Variants in CAMK4 observed in about 807,000 individuals in gnomAD.
CAMK4 encodes calcium/calmodulin dependent protein kinase IV.
CAMK4 carries 22 observed loss-of-function variants against 44.9 expected under a neutral mutation model. The ratio of observed to expected loss-of-function variants is 0.49; its 90% confidence interval spans 0.35 to 0.70. CAMK4 has a LOEUF of 0.70. Ranked by LOEUF, CAMK4 falls within the 30% of genes least tolerant of loss-of-function variation. The pLI, the probability that CAMK4 is intolerant of heterozygous loss-of-function variation, is 0.01. For synonymous variants in CAMK4, 218 were observed against 215.4 expected (o/e 1.01, Z -0.11); for missense variants, 498 against 586.8 (o/e 0.85, Z 1.56).
intron 1 of CAMK4, among the ~76,000 whole-genome samples, chr5:111,249,664 A>ATG (rs1417086749): frequency 6.6e-5 from 8 of 121,686 alleles, no homozygotes; most frequent in South Asian, 2.4e-4. Context: ...GTGTGTATAT[A>ATG]TATGTGTGTG....
At chr5:111,436,246 A>G (rs1561487163) in intron 5 of CAMK4, among the ~76,000 whole-genome samples, 3 of 152,234 alleles carry the variant, frequency 2.0e-5, no homozygotes, top group African/African-American at 7.2e-5. Context: ...TACGTACTTA[A>G]TATAGTTCTA....
At chr5:111,248,853 G>A (rs917999541) in intron 1 of CAMK4, among the ~76,000 whole-genome samples, 1 of 152,070 alleles carries the variant, frequency 6.6e-6, no homozygotes, top group Non-Finnish European at 1.5e-5. Flanking sequence ...AGATCCATTA[G>A]CCAGGAAAGG....
intron 1 of CAMK4, among the ~76,000 whole-genome samples, chr5:111,251,157 A>G (rs971591042): frequency 1.3e-5 from 2 of 152,138 alleles, no homozygotes; most frequent in African/African-American, 4.8e-5. Flanking sequence ...AAGGTATTGC[A>G]CTTTCATGAA....
At chr5:111,236,176 C>T (rs748355680) in intron 1 of CAMK4, among the ~76,000 whole-genome samples, 1 of 152,202 alleles carries the variant, frequency 6.6e-6, no homozygotes, top group East Asian at 1.9e-4. Context: ...TTATTCCCCA[C>T]ACAGGCCACA....
At chr5:111,311,654 T>C (rs1439086973) in intron 1 of CAMK4, among the ~76,000 whole-genome samples, 2 of 152,194 alleles carry the variant, frequency 1.3e-5, no homozygotes, top group South Asian at 2.1e-4. Flanking sequence ...GTTGAAGGAT[T>C]CTTTGCTCTT....
intron 4 of CAMK4, among the ~76,000 whole-genome samples, chr5:111,389,003 A>T (rs1351675452): frequency 6.6e-6 from 1 of 152,210 alleles, no homozygotes; most frequent in East Asian, 1.9e-4. Context: ...AAACACAGGC[A>T]CTATCTTAGA....
intron 5 of CAMK4, among the ~76,000 whole-genome samples, chr5:111,406,136 A>C (rs545824193): frequency 6.7e-6 from 1 of 148,930 alleles, no homozygotes; most frequent in South Asian, 2.1e-4. Context: ...TATCTGGTCT[A>C]GTAGTTCCTC....
At chr5:111,448,116 T>C (rs1754091858) in intron 6 of CAMK4, among the ~76,000 whole-genome samples, 1 of 152,198 alleles carries the variant, frequency 6.6e-6, no homozygotes, top group Admixed American at 6.5e-5. Flanking sequence ...AGAATGCCCT[T>C]GAATGGTTTC....
chr5:111,356,418 A>G (rs1227033101), intron 2 of CAMK4, among the ~76,000 whole-genome samples: 214 of 152,282 alleles, frequency 1.4e-3, no homozygotes, highest in African/African-American at 5.0e-3. Context: ...TTGTCAGATG[A>G]GTAGGTTGCG....
At chr5:111,422,341 A>C (rs995216062) in intron 5 of CAMK4, among the ~76,000 whole-genome samples, 4 of 152,230 alleles carry the variant, frequency 2.6e-5, no homozygotes, top group African/African-American at 9.6e-5. Flanking sequence ...TCCTATGAGG[A>C]AAGTAGAAAT....
chr5:111,364,473 T>C (rs1212785327), intron 2 of CAMK4, among the ~76,000 whole-genome samples: 1 of 152,146 alleles, frequency 6.6e-6, no homozygotes, highest in Non-Finnish European at 1.5e-5. Flanking sequence ...AAAAAGACTG[T>C]TTCCTGTGAA....
At chr5:111,341,480 C>T (rs1467136358) in intron 1 of CAMK4, among the ~76,000 whole-genome samples, 1 of 150,646 alleles carries the variant, frequency 6.6e-6, no homozygotes, top group Non-Finnish European at 1.5e-5. Context: ...CACCGAATTG[C>T]CTTTTTACCA....
At chr5:111,475,547 C>A (rs1755206475) in intron 8 of CAMK4, among the ~76,000 whole-genome samples, 1 of 152,142 alleles carries the variant, frequency 6.6e-6, no homozygotes, top group Admixed American at 6.5e-5. Flanking sequence ...TAGTCCATTA[C>A]CAAATTATGC....
intron 1 of CAMK4, among the ~76,000 whole-genome samples, chr5:111,245,092 T>G (rs986150218): frequency 2.0e-5 from 3 of 152,162 alleles, no homozygotes; most frequent in African/African-American, 7.2e-5. Flanking sequence ...GAGGTAGTAC[T>G]TTTATGGGGC....
chr5:111,384,193 G>T (rs1751515481), intron 4 of CAMK4, among the ~76,000 whole-genome samples: 1 of 152,168 alleles, frequency 6.6e-6, no homozygotes, highest in Non-Finnish European at 1.5e-5. Flanking sequence ...AAGGGCTTTT[G>T]AGGAGCACTG....
rs114114453 is a variant in CAMK4 at position 111,320,231 on chromosome 5, A to G, written c.162-23793A>G. ...TGAGCAAGATGGCACATGGTCTCAC[A>G]TGACATGCTGAGGAAACTGGATTTT... On this transcript the variant is annotated intron_variant, in intron 1 of 10. Transcript: ENST00000282356. Among the ~76,000 whole-genome samples, 408 of 152,296 alleles carry G rather than the reference A, an allele frequency of 2.7e-3. 1 individual carries two copies. The highest frequency in any genetic ancestry group is 9.3e-3 in the African/African-American group (385 of 41,576).
intron 1 of CAMK4, among the ~76,000 whole-genome samples, chr5:111,269,201 G>A (rs749098128): frequency 6.6e-6 from 1 of 152,206 alleles, no homozygotes; most frequent in Non-Finnish European, 1.5e-5. Flanking sequence ...TATGTGAGCT[G>A]ATCTTCTGCA....
intron 1 of CAMK4, among the ~76,000 whole-genome samples, chr5:111,296,497 G>A (rs1041585009): frequency 2.6e-5 from 4 of 152,144 alleles, no homozygotes; most frequent in African/African-American, 7.2e-5. Flanking sequence ...AATCTTTGCT[G>A]TCAGTTGATT....
At chr5:111,450,490 A>G (rs920506235) in intron 7 of CAMK4, among the ~76,000 whole-genome samples, 1 of 150,642 alleles carries the variant, frequency 6.6e-6, no homozygotes. Context: ...CACAATCTAC[A>G]AGAAAACAGA....
Sources: gnomAD v4.1 joint callset for allele counts (sites outside exome capture counted in the v4.1 genomes callset) on GRCh38, gnomAD v4.1.1 for gene constraint, MANE v1.5 for transcripts, NCBI Gene and HGNC (gene_info 2026-07-23, HGNC 2026-07-21) for gene names.